The following TBC1D10A variants were observed in gnomAD, a reference collection of about 807,000 sequenced individuals.
TBC1D10A encodes EBP50-PDX interactor of 64 kDa.
TBC1D10A carries 24 observed loss-of-function variants against 52.9 expected under a neutral mutation model. That is an observed-to-expected ratio of 0.45 (90% CI 0.33 to 0.64). TBC1D10A has a LOEUF of 0.64. TBC1D10A is among the 30% of genes least tolerant of loss of function. TBC1D10A has a pLI of 0.02. For missense variants in TBC1D10A, 602 were observed against 687.9 expected, an observed-to-expected ratio of 0.88 and a Z score of 1.40; for synonymous variants, 278 against 282.9, an observed-to-expected ratio of 0.98 and a Z score of 0.17.
rs750858770 is a variant in TBC1D10A at position 30,294,749 on chromosome 22, C to T, written c.705+47G>A. On this transcript the variant is annotated intron_variant, in intron 6 of 8. Coordinates refer to ENST00000215790, the MANE Select transcript of TBC1D10A (RefSeq NM_031937.3). ...ATGAGAGAAGGGCCTGGAGGGGCCA[C>T]AGAGGGTGTCCAGCCCAGGGCAAGT... The T allele has an allele frequency of 8.7e-6, 14 of 1,613,016 alleles. No individual in the cohort carries two copies. The South Asian group carries it at 1.2e-4, about 14-fold the overall frequency.
intron 3 of TBC1D10A, chr22:30,296,220 T>G (rs1930077692): frequency 5.0e-6 from 1 of 201,534 alleles, no homozygotes; most frequent in Admixed American, 5.4e-5. Flanking sequence ...CTGTTCCCAC[T>G]TCTCTGAGCC....
At position 30,326,836 on chromosome 22, in the gene TBC1D10A, C is replaced by G; in HGVS notation, c.46G>C (p.Gly16Arg). The change falls in exon 1 of 9, where the codon GGG becomes CGG. Residue 16 changes from glycine (G) to arginine (R), a missense_variant. Physicochemically the swap from Gly to Arg is moderately radical, Grantham distance 125. This residue lies in a region of TBC1D10A where 201 missense variants were observed against 204.4 expected (regional missense o/e 0.98). Transcript: ENST00000215790. Reference sequence around the variant, plus strand: ...TCCCGGGTTCCCGACAGGCTTTCCCCGGCCGCGGGCGCGCGCGGCCCATTC... The same window carrying G: ...TCCCGGGTTCCCGACAGGCTTTCCCGGGCCGCGGGCGCGCGCGGCCCATTC... ...GENGPRAPAA[G>R]ESLSGTRESL... 2 of 1,472,024 alleles carry G rather than the reference C, an allele frequency of 1.4e-6. No individual in the cohort carries two copies. The highest frequency in any genetic ancestry group is 5.2e-5 in the Admixed American group (2 of 38,740). 91.2% of individuals were successfully genotyped at this position (1,472,024 alleles called of 1,614,324 possible). A position where few individuals can be genotyped will look rare whatever the true frequency, so the allele number is the denominator to read the frequency against.
chr22:30,323,640 T>A (rs144794805), intron 1 of TBC1D10A, among the ~76,000 whole-genome samples: 3 of 152,212 alleles, frequency 2.0e-5, no homozygotes, highest in Non-Finnish European at 4.4e-5. Flanking sequence ...TCCTCATCTA[T>A]GTAAGTAAGG....
At chr22:30,293,461 GC>G in intron 8 of TBC1D10A, 189 bp downstream of exon 8, 3 of 915,664 alleles carry the variant, frequency 3.3e-6, no homozygotes, top group Non-Finnish European at 3.4e-6. Flanking sequence ...GCCCTGCAGA[GC>G]CAAGCCTCTC....
rs1930036743 is a variant in TBC1D10A at position 30,294,796 on chromosome 22, C to T, written c.705G>A (p.Leu235=). The change falls in exon 6 of 9, where the codon CTG becomes CTA. Residue 235 remains leucine, a splice_region_variant and synonymous_variant. Transcript: ENST00000215790. ...KYLPGYYSEK[L]EAIQLDGEIL... ...AAGTCCCAGGCCAGGCGACACTCAC[C>T]AGTTTCTCGCTGTAGTAGCCGGGCA... 6.2e-7 allele frequency: 1 copy of T among 1,614,002 alleles called. No homozygotes were observed. The highest frequency in any genetic ancestry group is 1.7e-5 in the Admixed American group (1 of 60,008).
intron 2 of TBC1D10A, among the ~76,000 whole-genome samples, chr22:30,303,093 C>A (rs935060615): frequency 6.6e-6 from 1 of 152,186 alleles, no homozygotes; most frequent in African/African-American, 2.4e-5. Flanking sequence ...CCGGCCTGGG[C>A]AACATGGTGA....
chr22:30,317,344 T>C (rs1930560565), intron 1 of TBC1D10A, among the ~76,000 whole-genome samples: 1 of 152,012 alleles, frequency 6.6e-6, no homozygotes, highest in South Asian at 2.1e-4. Context: ...AAGGCAGAGG[T>C]TGCAGTGAGC....
chr22:30,302,330 T>G (rs929102212), intron 2 of TBC1D10A, among the ~76,000 whole-genome samples: 1 of 152,218 alleles, frequency 6.6e-6, no homozygotes, highest in African/African-American at 2.4e-5. Context: ...TGCTGAACTC[T>G]GTGAGGGCAG....
rs1375100013 is a variant in TBC1D10A at position 30,292,688 on chromosome 22, T to C, written c.1214A>G (p.Gln405Arg). ...GGGCAGGCGGATGGATGGTGAAGGT[T>C]GTAGGGCAGGCCGGGGACCAGGTTC... ...DAEPGPRPAL[Q>R]PSPSIRLPLD... The change falls in exon 9 of 9, where the codon CAA (glutamine) becomes CGA (arginine). Residue 405 changes from glutamine (Q) to arginine (R), a missense_variant. Physicochemically the swap from Gln to Arg is conservative, Grantham distance 43. This residue lies in a region of TBC1D10A where 265 missense variants were observed against 275.1 expected (regional missense o/e 0.96). Transcript: ENST00000215790. 4 of 1,608,440 alleles carry C rather than the reference T, an allele frequency of 2.5e-6. No individual in the cohort carries two copies. Among genetic ancestry groups the C allele is most frequent in the Non-Finnish European group, 3.4e-6 (4 of 1,177,180 alleles).
At chr22:30,307,576 A>G (rs1930334670) in intron 1 of TBC1D10A, among the ~76,000 whole-genome samples, 1 of 152,092 alleles carries the variant, frequency 6.6e-6, no homozygotes, top group African/African-American at 2.4e-5. Context: ...CCATCCACTC[A>G]TCCCTAACTG....
chr22:30,295,912 C>T, intron 3 of TBC1D10A, 69 bp from the exon 4 acceptor site: 2 of 1,427,464 alleles, frequency 1.4e-6, no homozygotes, highest in Non-Finnish European at 9.5e-7. Flanking sequence ...GACACGGCTG[C>T]CCAGGGATTA....
chr22:30,297,323 G>A lies in TBC1D10A; in HGVS notation c.418-1480C>T, dbSNP rs923210028. 1 of 152,270 alleles carries A rather than the reference G, an allele frequency of 6.6e-6. No homozygotes were observed. The highest frequency in any genetic ancestry group is 1.5e-5 in the Non-Finnish European group (1 of 68,090). 9.4% of individuals were successfully genotyped at this position (152,270 alleles called of 1,614,324 possible). A position where few individuals can be genotyped will look rare whatever the true frequency, so the allele number is the denominator to read the frequency against. ...TGTGTACTGTGCACCTCTAAGTACTGTCTGAGCGCAGTGCAGGTTTGCTTT... is the reference window on the plus strand; with the variant it reads ...TGTGTACTGTGCACCTCTAAGTACTATCTGAGCGCAGTGCAGGTTTGCTTT... On this transcript the variant is annotated intron_variant, in intron 3 of 8. Coordinates refer to ENST00000215790, the MANE Select transcript of TBC1D10A (RefSeq NM_031937.3). This position sits in a 1 kb window ranked among gnomAD's most constrained non-coding sequence, Gnocchi z 4.3.
chr22:30,296,721 G>A (rs1930088320), intron 3 of TBC1D10A: 1 of 152,196 alleles, frequency 6.6e-6, no homozygotes, highest in African/African-American at 2.4e-5. Context: ...TTGGTTACAT[G>A]GATGTGTATT....
At chr22:30,312,679 C>A (rs1348666840) in intron 1 of TBC1D10A, among the ~76,000 whole-genome samples, 2 of 152,306 alleles carry the variant, frequency 1.3e-5, no homozygotes, top group African/African-American at 2.4e-5. Context: ...TCTCTATAGG[C>A]CCCTACCCCT....
At chr22:30,320,687 C>CAAAGATGGGAAGTAGAAAATGA (rs1930634395) in intron 1 of TBC1D10A, among the ~76,000 whole-genome samples, 1 of 152,220 alleles carries the variant, frequency 6.6e-6, no homozygotes, top group East Asian at 1.9e-4. Flanking sequence ...TCATTATAGC[C>CAAAGATGGGAAGTAGAAAATGA]AAAGATGGGA....
chr22:30,326,791 CG>C lies in TBC1D10A; in HGVS notation c.90del (p.Asp31ThrfsTer49). Reference protein sequence around the residue: ...SGTRESLAQGPDAATTDELSS... With the variant: ...SGTRESLAQGXDAATTDELSS... ...CTGAGTTCGTCGGTGGTTGCGGCGT[CG>C]GGGCCCTGGGCCAGGCTCTCCCGGG... On this transcript the variant is annotated frameshift_variant, in exon 1 of 9. Coordinates refer to ENST00000215790, the MANE Select transcript of TBC1D10A (RefSeq NM_031937.3). LOFTEE classifies it high-confidence loss of function. The C allele has an allele frequency of 6.7e-7, 1 of 1,498,246 alleles. No individual in the cohort carries two copies. 92.8% of individuals were successfully genotyped at this position (1,498,246 alleles called of 1,614,324 possible).
chr22:30,302,655 G>C (rs1930225371), intron 2 of TBC1D10A, among the ~76,000 whole-genome samples: 1 of 152,260 alleles, frequency 6.6e-6, no homozygotes, highest in Non-Finnish European at 1.5e-5. Context: ...GAGAGAAGCA[G>C]TGAGTTAGGG....
intron 1 of TBC1D10A, among the ~76,000 whole-genome samples, chr22:30,319,190 T>C (rs541393669): frequency 6.6e-6 from 1 of 152,326 alleles, no homozygotes; most frequent in East Asian, 1.9e-4. Flanking sequence ...CTGGATCAAA[T>C]GCTACTACTT....
At chr22:30,311,097 G>A (rs1930416331) in intron 1 of TBC1D10A, among the ~76,000 whole-genome samples, 1 of 152,186 alleles carries the variant, frequency 6.6e-6, no homozygotes. Flanking sequence ...CAAACAAAAG[G>A]CTGACCTGTT....
Sources: allele counts gnomAD v4.1 joint callset (sites outside exome capture counted in the v4.1 genomes callset), GRCh38; gene constraint gnomAD v4.1.1; regional missense constraint gnomAD v4.1.1; non-coding constraint Gnocchi (gnomAD v3.1); transcripts MANE v1.5; gene names NCBI Gene and HGNC (gene_info 2026-07-23, HGNC 2026-07-21).